COMMD1: variants seen among roughly 807,000 people sequenced by gnomAD.
The protein encoded by COMMD1 is copper metabolism domain containing 1.
A neutral mutation model predicts 17.2 loss-of-function variants in COMMD1; 10 were observed. That is an observed-to-expected ratio of 0.58 (90% CI 0.36 to 0.99). COMMD1 has a LOEUF of 0.99. Ranked by LOEUF, COMMD1 falls within the 50% of genes least tolerant of loss-of-function variation. The probability of loss-of-function intolerance (pLI) is 0.01; values close to 1 mark genes in which losing one functional copy is unlikely to be tolerated. For missense variants in COMMD1, 270 were observed against 231.8 expected (o/e 1.17, Z -1.07); for synonymous variants, 97 against 91.6 (o/e 1.06, Z -0.34).
chr2:62,104,909 C>T (rs548957560), intron 2 of COMMD1, among the ~76,000 whole-genome samples: 10 of 151,424 alleles, frequency 6.6e-5, no homozygotes, highest in African/African-American at 2.2e-4. Flanking sequence ...GTGGATCACC[C>T]GAGGTCAGGA....
chr2:62,061,554 C>CTTTTTTTTT (rs57638195), intron 2 of COMMD1, among the ~76,000 whole-genome samples: 79 of 131,468 alleles, frequency 6.0e-4, no homozygotes, highest in Middle Eastern at 4.1e-3. Context: ...TCTTTCTTTT[C>CTTTTTTTTT]TTTTTTTTTT....
intron 2 of COMMD1, among the ~76,000 whole-genome samples, chr2:62,045,835 C>T (rs1304076313): frequency 2.8e-5 from 4 of 143,536 alleles, no homozygotes; most frequent in African/African-American, 1.0e-4. Flanking sequence ...CCTCCTGGTT[C>T]AAGCAATTCT....
At chr2:62,084,574 A>T (rs1239689055) in intron 2 of COMMD1, among the ~76,000 whole-genome samples, 3 of 152,212 alleles carry the variant, frequency 2.0e-5, no homozygotes, top group Non-Finnish European at 4.4e-5. Context: ...GTTCACACTC[A>T]TATTGTTCAA....
intron 1 of COMMD1, among the ~76,000 whole-genome samples, chr2:61,917,560 C>T (rs1670081180): frequency 6.6e-6 from 1 of 151,824 alleles, no homozygotes; most frequent in South Asian, 2.1e-4. Flanking sequence ...CGGAGTCTCG[C>T]TGTGTCTCCC....
chr2:62,022,291 G>A (rs1468077606), intron 2 of COMMD1, among the ~76,000 whole-genome samples: 2 of 151,034 alleles, frequency 1.3e-5, no homozygotes, highest in East Asian at 3.9e-4. Flanking sequence ...TAACTCCTCT[G>A]TCAGACTCTT....
At chr2:61,926,587 C>G (rs1670334745) in intron 1 of COMMD1, among the ~76,000 whole-genome samples, 1 of 152,142 alleles carries the variant, frequency 6.6e-6, no homozygotes, top group East Asian at 1.9e-4. Flanking sequence ...TATCATAACC[C>G]CATGTCATAG....
At position 62,130,853 on chromosome 2, in the gene COMMD1, A is replaced by G. The variant is rs1673011131; in HGVS notation, c.463-4978A>G. Among the ~76,000 whole-genome samples the G allele has an allele frequency of 2.0e-5, 3 of 152,304 alleles. No homozygotes were observed. In the South Asian group the frequency reaches 6.2e-4, roughly 32 times the overall value. On this transcript the variant is annotated intron_variant, in intron 2 of 2. Coordinates refer to ENST00000311832, the MANE Select transcript of COMMD1 (RefSeq NM_152516.4). ...ATTTAGTGTGTAGATGGATAAAACC[A>G]AACATTTGCTTACTAACAGCCTTCA...
At chr2:62,096,170 A>T (rs1245431302) in intron 2 of COMMD1, among the ~76,000 whole-genome samples, 1 of 152,122 alleles carries the variant, frequency 6.6e-6, no homozygotes, top group Non-Finnish European at 1.5e-5. Context: ...TGCTTTTATG[A>T]CATTAGGTAG....
At chr2:62,127,649 G>A (rs1189819001) in intron 2 of COMMD1, among the ~76,000 whole-genome samples, 1 of 152,138 alleles carries the variant, frequency 6.6e-6, no homozygotes, top group Admixed American at 6.6e-5. Flanking sequence ...TTAATAAATG[G>A]TGCTGGGAGA....
At chr2:62,097,063 A>C (rs576420461) in intron 2 of COMMD1, among the ~76,000 whole-genome samples, 1 of 152,260 alleles carries the variant, frequency 6.6e-6, no homozygotes. Context: ...AGAATGCACT[A>C]CATAAATCAG....
intron 2 of COMMD1, among the ~76,000 whole-genome samples, chr2:62,046,444 C>T (rs1670385363): frequency 6.6e-6 from 1 of 152,188 alleles, no homozygotes; most frequent in Non-Finnish European, 1.5e-5. Context: ...TTCATGAAAT[C>T]ATGACTTGAG....
chr2:62,125,220 ACT>A (rs900089531), intron 2 of COMMD1, among the ~76,000 whole-genome samples: 14 of 152,252 alleles, frequency 9.2e-5, no homozygotes, highest in African/African-American at 2.9e-4. Context: ...AGATTCTGTG[ACT>A]CTGAAAGCAC....
At chr2:61,945,463 C>G (rs570421384) in intron 1 of COMMD1, among the ~76,000 whole-genome samples, 1 of 152,202 alleles carries the variant, frequency 6.6e-6, no homozygotes, top group Non-Finnish European at 1.5e-5. Flanking sequence ...AAAGATAGAT[C>G]AAGCTGGTAC....
intron 2 of COMMD1, among the ~76,000 whole-genome samples, chr2:62,039,425 AG>A (rs1442525973): frequency 6.6e-6 from 1 of 152,192 alleles, no homozygotes; most frequent in Non-Finnish European, 1.5e-5. Context: ...CCTTTCTTTG[AG>A]GAGTTGATTA....
At chr2:62,094,732 C>T (rs1270400944) in intron 2 of COMMD1, among the ~76,000 whole-genome samples, 1 of 151,480 alleles carries the variant, frequency 6.6e-6, no homozygotes, top group Non-Finnish European at 1.5e-5. Flanking sequence ...GTCACTTCTG[C>T]TCAGCTTTGA....
chr2:62,084,545 G>T (rs752160820), intron 2 of COMMD1, among the ~76,000 whole-genome samples: 1 of 152,120 alleles, frequency 6.6e-6, no homozygotes, highest in African/African-American at 2.4e-5. Context: ...GAAAATTTGC[G>T]TGTAAATGGA....
chr2:62,002,219 A>G (rs780938109), intron 2 of COMMD1, among the ~76,000 whole-genome samples: 5 of 151,442 alleles, frequency 3.3e-5, no homozygotes, highest in Non-Finnish European at 7.4e-5. Flanking sequence ...GCCTGAGCAC[A>G]GTGGCTCACA....
chr2:61,923,979 G>A (rs1281620798), intron 1 of COMMD1, among the ~76,000 whole-genome samples: 1 of 152,140 alleles, frequency 6.6e-6, no homozygotes, highest in East Asian at 1.9e-4. Flanking sequence ...GTTTCGCCAT[G>A]TTGCCCAGGC....
At chr2:62,023,043 A>G (rs1669651530) in intron 2 of COMMD1, among the ~76,000 whole-genome samples, 1 of 152,170 alleles carries the variant, frequency 6.6e-6, no homozygotes, top group South Asian at 2.1e-4. Context: ...CCTGACCAAC[A>G]TGGTGAAACC....
Sources: allele counts gnomAD v4.1 joint callset (sites outside exome capture counted in the v4.1 genomes callset), GRCh38; gene constraint gnomAD v4.1.1; transcripts MANE v1.5; gene names NCBI Gene and HGNC (gene_info 2026-07-23, HGNC 2026-07-21).